The following DENND1B variants were observed in gnomAD, a reference collection of about 807,000 sequenced individuals.
DENND1B encodes DENN domain-containing protein 1B.
DENND1B carries 59 observed loss-of-function variants against 90.1 expected under a neutral mutation model. The ratio of observed to expected loss-of-function variants is 0.65; its 90% CI spans 0.53 to 0.81. The LOEUF is 0.81. DENND1B is among the 40% of genes least tolerant of loss of function. The probability of loss-of-function intolerance (pLI) is 0.00; values close to 1 mark genes in which losing one functional copy is unlikely to be tolerated. For missense variants in DENND1B, 862 were observed against 912.6 expected (o/e 0.94, Z 0.71); for synonymous variants, 337 against 324.6 (o/e 1.04, Z -0.41).
At chr1:197,755,892 A>G (rs79235210) in intron 2 of DENND1B, among the ~76,000 whole-genome samples, 55 of 152,298 alleles carry the variant, frequency 3.6e-4, no homozygotes, top group Non-Finnish European at 6.9e-4. Flanking sequence ...CCAGGATTCA[A>G]TCATCTCCCA....
At chr1:197,661,544 C>A (rs1158245215) in intron 5 of DENND1B, among the ~76,000 whole-genome samples, 3 of 152,076 alleles carry the variant, frequency 2.0e-5, no homozygotes, top group Non-Finnish European at 4.4e-5. Flanking sequence ...TCTCAAGGAG[C>A]TTTAGATAAA....
chr1:197,612,447 G>A (rs1677268579), intron 11 of DENND1B, among the ~76,000 whole-genome samples: 1 of 150,048 alleles, frequency 6.7e-6, no homozygotes, highest in African/African-American at 2.4e-5. Context: ...TACCTCCTAT[G>A]TCACCAAATA....
At chr1:197,718,307 C>T (rs377161452) in intron 2 of DENND1B, among the ~76,000 whole-genome samples, 3 of 150,788 alleles carry the variant, frequency 2.0e-5, no homozygotes, top group South Asian at 2.1e-4. Flanking sequence ...AGGGCAATTT[C>T]GTTTTTGTAC....
At chr1:197,512,755 G>T in intron 21 of DENND1B, 116 bp downstream of exon 21, 1 of 895,566 alleles carries the variant, frequency 1.1e-6, no homozygotes, top group Non-Finnish European at 1.7e-6. Context: ...GAAGAACACT[G>T]TAAAAGGGCA....
At chr1:197,570,119 A>AC (rs1311085456) in intron 15 of DENND1B, among the ~76,000 whole-genome samples, 2 of 151,940 alleles carry the variant, frequency 1.3e-5, no homozygotes, top group African/African-American at 4.8e-5. Context: ...ATGGCCAGGC[A>AC]CACTGGTTCA....
chr1:197,653,296 G>C (rs1653439225), intron 6 of DENND1B, among the ~76,000 whole-genome samples: 1 of 152,054 alleles, frequency 6.6e-6, no homozygotes, highest in South Asian at 2.1e-4. Flanking sequence ...TTGTAAAAGA[G>C]GCTCATATGG....
At chr1:197,685,012 G>A (rs962036488) in intron 3 of DENND1B, among the ~76,000 whole-genome samples, 6 of 152,070 alleles carry the variant, frequency 3.9e-5, no homozygotes, top group Non-Finnish European at 7.4e-5. Context: ...CAGCTACTCG[G>A]GAGGCTGAGG....
Position 197,510,489 on chromosome 1 carries a change from C to T in DENND1B, c.2299G>A (p.Asp767Asn). 6.2e-7 allele frequency: 1 copy of T among 1,606,854 alleles called. No homozygotes were observed. The highest frequency in any genetic ancestry group is 8.5e-7 in the Non-Finnish European group (1 of 1,176,498). The stretch of plus-strand genomic sequence containing the variant: ...GTTTGGTTTCCATTTGTGTTTTTGT[C>T]TGAAATGTTCAAGCTTTGTTGGAAG... ...SDFQQSLNIS[D>N]KNTNGNQT The change falls in exon 23 of 23, where the codon GAC becomes AAC. Residue 767 changes from aspartate (D) to asparagine (N), a missense_variant. Transcript: ENST00000620048.
intron 2 of DENND1B, among the ~76,000 whole-genome samples, chr1:197,732,134 C>G (rs890525307): frequency 2.0e-5 from 3 of 152,154 alleles, no homozygotes; most frequent in Admixed American, 6.5e-5. Flanking sequence ...CTCCCCTCAC[C>G]CAGGACCTTC....
chr1:197,552,313 C>T, intron 16 of DENND1B: 1 of 981,630 alleles, frequency 1.0e-6, no homozygotes, highest in Non-Finnish European at 1.2e-6. Flanking sequence ...GTGCCTAATA[C>T]ATTGTAAGCA....
intron 15 of DENND1B, among the ~76,000 whole-genome samples, chr1:197,569,392 T>C (rs1672957069): frequency 6.6e-6 from 1 of 152,120 alleles, no homozygotes; most frequent in Non-Finnish European, 1.5e-5. Flanking sequence ...AAAATAGAAC[T>C]ATTATATGAT....
chr1:197,587,055 G>A (rs78291388), intron 14 of DENND1B, among the ~76,000 whole-genome samples: 1 of 152,160 alleles, frequency 6.6e-6, no homozygotes, highest in Non-Finnish European at 1.5e-5. Flanking sequence ...ACAGATGTCT[G>A]TGAAATACAT....
intron 15 of DENND1B, among the ~76,000 whole-genome samples, chr1:197,553,765 C>G (rs1671452809): frequency 6.6e-6 from 1 of 152,114 alleles, no homozygotes. Flanking sequence ...TACATTCTCA[C>G]TGAATGACAG....
intron 15 of DENND1B, among the ~76,000 whole-genome samples, chr1:197,558,681 C>T (rs868783437): frequency 6.6e-6 from 1 of 151,788 alleles, no homozygotes; most frequent in Non-Finnish European, 1.5e-5. Flanking sequence ...TCTTAAAGTA[C>T]TGTGACAGGT....
At chr1:197,667,397 A>G (rs1452958994) in intron 5 of DENND1B, among the ~76,000 whole-genome samples, 1 of 152,104 alleles carries the variant, frequency 6.6e-6, no homozygotes, top group Non-Finnish European at 1.5e-5. Context: ...ACACGGAATG[A>G]AACTGTCCCA....
intron 7 of DENND1B, among the ~76,000 whole-genome samples, chr1:197,651,072 A>G (rs1653107293): frequency 6.6e-6 from 1 of 152,142 alleles, no homozygotes; most frequent in Admixed American, 6.5e-5. Context: ...CAAAGAAAAT[A>G]CAATAAAGAT....
chr1:197,635,070 C>T (rs1427291169), intron 10 of DENND1B, among the ~76,000 whole-genome samples: 6 of 152,108 alleles, frequency 3.9e-5, no homozygotes, highest in African/African-American at 1.2e-4. Context: ...CAGCACCTAA[C>T]TTGGAAACTT....
chr1:197,697,644 G>C (rs376068437), intron 3 of DENND1B, among the ~76,000 whole-genome samples: 1 of 151,904 alleles, frequency 6.6e-6, no homozygotes, highest in African/African-American at 2.4e-5. Flanking sequence ...GGATAGTCAA[G>C]ACCCACTGGT....
At chr1:197,525,217 T>A (rs1174060674) in intron 20 of DENND1B, among the ~76,000 whole-genome samples, 1 of 152,168 alleles carries the variant, frequency 6.6e-6, no homozygotes, top group African/African-American at 2.4e-5. Context: ...AGTAATTATA[T>A]CAATTTTAAA....
Sources: allele counts gnomAD v4.1 joint callset (sites outside exome capture counted in the v4.1 genomes callset), GRCh38; gene constraint gnomAD v4.1.1; transcripts MANE v1.5; gene names NCBI Gene and HGNC (gene_info 2026-07-23, HGNC 2026-07-21).